The following CHST11 variants were observed in gnomAD, a reference collection of about 807,000 sequenced individuals.
CHST11 encodes carbohydrate sulfotransferase 11.
A neutral mutation model predicts 30.4 loss-of-function variants in CHST11; 9 were observed. That is an observed-to-expected ratio of 0.30 (90% CI 0.18 to 0.52). The LOEUF (loss-of-function observed/expected upper bound fraction) is 0.52. Ranked by LOEUF, CHST11 falls within the 20% of genes least tolerant of loss-of-function variation. The probability of loss-of-function intolerance (pLI) is 0.97; values close to 1 mark genes in which losing one functional copy is unlikely to be tolerated. For missense variants in CHST11, 348 were observed against 460.6 expected (o/e 0.76, Z 2.24); for synonymous variants, 152 against 187.8 (o/e 0.81, Z 1.56).
intron 1 of CHST11, among the ~76,000 whole-genome samples, chr12:104,518,238 G>A (rs920116640): frequency 6.6e-6 from 1 of 152,180 alleles, no homozygotes; most frequent in African/African-American, 2.4e-5. Flanking sequence ...AGTGAGCCAT[G>A]ATTGTGCCAC....
intron 2 of CHST11, among the ~76,000 whole-genome samples, chr12:104,722,835 G>A (rs2040188646): frequency 6.6e-6 from 1 of 152,164 alleles, no homozygotes. Context: ...CAAGACCTTT[G>A]TGAGGCTGAG....
intron 2 of CHST11, among the ~76,000 whole-genome samples, chr12:104,720,962 C>T (rs1419047758): frequency 1.3e-5 from 2 of 152,146 alleles, no homozygotes; most frequent in East Asian, 3.9e-4. Context: ...GCGGAGAAAC[C>T]ATCTCATGTG....
chr12:104,562,397 A>G (rs755540669), intron 1 of CHST11, among the ~76,000 whole-genome samples: 5 of 152,132 alleles, frequency 3.3e-5, no homozygotes, highest in Non-Finnish European at 7.4e-5. Context: ...AGATGAGGCC[A>G]TCTTCCCCCT....
intron 2 of CHST11, among the ~76,000 whole-genome samples, chr12:104,624,712 G>A (rs2039195083): frequency 6.6e-6 from 1 of 152,186 alleles, no homozygotes; most frequent in African/African-American, 2.4e-5. Flanking sequence ...TTTCCCAGGT[G>A]TGTTAGTCAG....
rs962404207 is a variant in CHST11, at chr12:104,701,389, G to GTT, written c.205-55559_205-55558dup. Among the ~76,000 whole-genome samples, 67 of 152,284 alleles carry GTT rather than the reference G, an allele frequency of 4.4e-4. No homozygotes were observed. In the South Asian group the frequency reaches 5.0e-3, roughly 11 times the overall value. On this transcript the variant is annotated intron_variant, in intron 2 of 2. Transcript: ENST00000303694. The stretch of plus-strand genomic sequence containing the variant: ...GGACAGGCAAAAATAAATCATTGAG[G>GTT]TTGAAATGAGAAGGTCCCTGCTTTC...
chr12:104,704,380 A>G (rs1009545243), intron 2 of CHST11, among the ~76,000 whole-genome samples: 29 of 152,158 alleles, frequency 1.9e-4, no homozygotes, highest in African/African-American at 6.0e-4. Context: ...TGAGGGAGGA[A>G]GGGGAAGCTG....
chr12:104,697,905 T>C (rs1170664574), intron 2 of CHST11, among the ~76,000 whole-genome samples: 1 of 152,208 alleles, frequency 6.6e-6, no homozygotes, highest in Admixed American at 6.5e-5. Flanking sequence ...GGCGACTTCC[T>C]ATGGCATTTT....
At chr12:104,682,034 C>G (rs900279244) in intron 2 of CHST11, among the ~76,000 whole-genome samples, 1 of 151,914 alleles carries the variant, frequency 6.6e-6, no homozygotes, top group Non-Finnish European at 1.5e-5. Flanking sequence ...GGGGTTTCAC[C>G]GTTTTAGCCA....
chr12:104,511,831 C>G (rs2037968871), intron 1 of CHST11, among the ~76,000 whole-genome samples: 1 of 152,096 alleles, frequency 6.6e-6, no homozygotes, highest in African/African-American at 2.4e-5. Flanking sequence ...TAATGGTAAC[C>G]ACAGTCATCT....
chr12:104,582,077 T>C (rs940936327), intron 1 of CHST11, among the ~76,000 whole-genome samples: 2 of 152,180 alleles, frequency 1.3e-5, no homozygotes, highest in Non-Finnish European at 2.9e-5. Context: ...ACTATGGTTG[T>C]AGGATGCATC....
At chr12:104,551,395 A>G (rs917171701) in intron 1 of CHST11, among the ~76,000 whole-genome samples, 1 of 152,018 alleles carries the variant, frequency 6.6e-6, no homozygotes, top group African/African-American at 2.4e-5. Context: ...TTTTCAACGT[A>G]TGTCCCGTGA....
At chr12:104,656,011 C>T (rs1407794771) in intron 2 of CHST11, among the ~76,000 whole-genome samples, 1 of 152,164 alleles carries the variant, frequency 6.6e-6, no homozygotes, top group Non-Finnish European at 1.5e-5. Context: ...GTCTAGATTC[C>T]AGGCAGCAGA....
chr12:104,750,756 A>C lies in CHST11; in HGVS notation c.205-6193A>C, dbSNP rs116860109. Among the ~76,000 whole-genome samples, 1,535 of 152,108 alleles carry C rather than the reference A, an allele frequency of 0.01. 47 individuals are homozygous for C. In the East Asian group the frequency reaches 0.12, roughly 12 times the overall value. On this transcript the variant is annotated intron_variant, in intron 2 of 2. Transcript: ENST00000303694. ...ACCGTGCCTGGCTTGTGCACATTTT[A>C]GTACCATTTTATTTTTAATAATTTA...
In CHST11 at chr12:104,761,259, A is replaced by C. The variant is rs1483589999; in HGVS notation, c.*3456A>C. 1 of 152,250 alleles carries C rather than the reference A, an allele frequency of 6.6e-6. No homozygotes were observed. The highest frequency in any genetic ancestry group is 2.4e-5 in the African/African-American group (1 of 41,448). The allele number at this position is 152,250 out of a possible 1,614,324, so 9.4% of individuals were successfully genotyped here. The stretch of plus-strand genomic sequence containing the variant: ...GATGTGGATGCCACAGGAGAGCAGC[A>C]GGCAGTGGAAACTTCAGTTGCACTG... On this transcript the variant is annotated 3_prime_UTR_variant, in exon 3 of 3. Transcript: ENST00000303694.
intron 2 of CHST11, among the ~76,000 whole-genome samples, chr12:104,628,253 T>C (rs146908999): frequency 1.8e-3 from 274 of 152,330 alleles, no homozygotes; most frequent in Non-Finnish European, 3.2e-3. Context: ...CCGTTCTTCC[T>C]GTGTTTCTTT....
At chr12:104,642,790 T>A (rs1318166049) in intron 2 of CHST11, among the ~76,000 whole-genome samples, 1 of 90,000 alleles carries the variant, frequency 1.1e-5, no homozygotes, top group Non-Finnish European at 2.1e-5. Context: ...TTAAAATTAT[T>A]TTGGGGATTT....
chr12:104,541,886 G>A (rs537127983), intron 1 of CHST11, among the ~76,000 whole-genome samples: 2 of 152,294 alleles, frequency 1.3e-5, no homozygotes, highest in East Asian at 1.9e-4. Flanking sequence ...CTGAGATTGC[G>A]CCACTGCACT....
chr12:104,497,841 G>A (rs1040062193), intron 1 of CHST11, among the ~76,000 whole-genome samples: 3 of 151,526 alleles, frequency 2.0e-5, no homozygotes, highest in Admixed American at 6.6e-5. Context: ...CATGCAGACA[G>A]GTGCATATGG....
chr12:104,704,465 G>A (rs1226082144), intron 2 of CHST11, among the ~76,000 whole-genome samples: 1 of 152,166 alleles, frequency 6.6e-6, no homozygotes. Context: ...TGTTGCTCAG[G>A]TTCTGCCCAG....
Sources: allele counts gnomAD v4.1 joint callset (sites outside exome capture counted in the v4.1 genomes callset), GRCh38; gene constraint gnomAD v4.1.1; transcripts MANE v1.5; gene names NCBI Gene and HGNC (gene_info 2026-07-23, HGNC 2026-07-21).